PPM1H: variants seen among roughly 807,000 people sequenced by gnomAD.
The protein encoded by PPM1H is protein phosphatase, Mg2+/Mn2+ dependent 1H, also known as protein phosphatase 1H.
A neutral mutation model predicts 54.9 loss-of-function variants in PPM1H; 27 were observed. That is an observed-to-expected ratio of 0.49 (90% CI 0.36 to 0.68). The LOEUF is 0.68. Ranked by LOEUF, PPM1H falls within the 30% of genes least tolerant of loss-of-function variation. The pLI, the probability that PPM1H is intolerant of heterozygous loss-of-function variation, is 0.00. For synonymous variants in PPM1H, 305 were observed against 270.8 expected, an observed-to-expected ratio of 1.13 and a Z score of -1.24; for missense variants, 596 against 667.8, an observed-to-expected ratio of 0.89 and a Z score of 1.19.
chr12:62,779,689 G>A (rs1281365463), intron 4 of PPM1H, among the ~76,000 whole-genome samples: 2 of 152,198 alleles, frequency 1.3e-5, no homozygotes, highest in African/African-American at 2.4e-5. Context: ...AATAGTGGCA[G>A]AGCCAGGATT....
intron 4 of PPM1H, among the ~76,000 whole-genome samples, chr12:62,775,851 A>G (rs753187460): frequency 6.6e-6 from 1 of 152,236 alleles, no homozygotes; most frequent in Non-Finnish European, 1.5e-5. Flanking sequence ...TCAAGGCTGT[A>G]TTAGTCTGTT....
intron 1 of PPM1H, among the ~76,000 whole-genome samples, chr12:62,838,464 G>C (rs1868583003): frequency 6.6e-6 from 1 of 152,126 alleles, no homozygotes; most frequent in Admixed American, 6.6e-5. Context: ...TGGCCACACA[G>C]ATGGGCTGGA....
At chr12:62,828,381 G>C (rs971898314) in intron 2 of PPM1H, among the ~76,000 whole-genome samples, 11 of 152,152 alleles carry the variant, frequency 7.2e-5, no homozygotes, top group African/African-American at 2.7e-4. Flanking sequence ...TGAGAACATA[G>C]GGCCGGCTCC....
intron 8 of PPM1H, among the ~76,000 whole-genome samples, 185 bp from the exon 9 acceptor site, chr12:62,667,514 T>C (rs2075926664): frequency 6.6e-6 from 1 of 152,220 alleles, no homozygotes; most frequent in Non-Finnish European, 1.5e-5. Flanking sequence ...AGACTTGCTA[T>C]ATAGACACAT....
chr12:62,910,503 G>A (rs772555), intron 1 of PPM1H, among the ~76,000 whole-genome samples: 49,602 of 151,864 alleles, frequency 0.33, 9,679 homozygotes, highest in Non-Finnish European at 0.45. Flanking sequence ...TTTTAATGAA[G>A]CAATATATTT....
At chr12:62,869,742 C>A (rs946677613) in intron 1 of PPM1H, among the ~76,000 whole-genome samples, 2 of 152,174 alleles carry the variant, frequency 1.3e-5, no homozygotes, top group Admixed American at 6.5e-5. Context: ...TATGAGCTAA[C>A]CCCTGCCTCC....
intron 1 of PPM1H, among the ~76,000 whole-genome samples, chr12:62,839,750 G>T (rs1868655050): frequency 6.6e-6 from 1 of 151,744 alleles, no homozygotes; most frequent in South Asian, 2.1e-4. Context: ...AGTCCTTCTG[G>T]GTTTCTGACA....
chr12:62,728,978 C>T (rs530898104), intron 5 of PPM1H, among the ~76,000 whole-genome samples: 1 of 152,190 alleles, frequency 6.6e-6, no homozygotes, highest in African/African-American at 2.4e-5. Context: ...GTCAGCTGGC[C>T]AGTGAGTAGT....
intron 1 of PPM1H, among the ~76,000 whole-genome samples, chr12:62,908,871 A>T (rs540531983): frequency 2.0e-5 from 3 of 152,328 alleles, no homozygotes; most frequent in African/African-American, 7.2e-5. Flanking sequence ...CTTATCAGTT[A>T]TGACTAATCC....
At chr12:62,750,302 T>C (rs544931521) in intron 4 of PPM1H, among the ~76,000 whole-genome samples, 141 of 152,352 alleles carry the variant, frequency 9.3e-4, no homozygotes, top group Non-Finnish European at 1.6e-3. Flanking sequence ...TTCTAAGCCC[T>C]TGCAAATACT....
At chr12:62,889,994 C>A (rs1252161629) in intron 1 of PPM1H, among the ~76,000 whole-genome samples, 4 of 152,138 alleles carry the variant, frequency 2.6e-5, no homozygotes, top group Non-Finnish European at 5.9e-5. Flanking sequence ...AGACAAACCA[C>A]AGACTGGCAG....
intron 4 of PPM1H, among the ~76,000 whole-genome samples, chr12:62,754,739 C>G (rs891939757): frequency 6.6e-6 from 1 of 152,188 alleles, no homozygotes; most frequent in African/African-American, 2.4e-5. Flanking sequence ...AAGCCATAGT[C>G]TTTACTTGGA....
rs967827958 is a variant in PPM1H at position 62,720,119 on chromosome 12, C to T, written c.1073+52G>A. The stretch of plus-strand genomic sequence containing the variant: ...TAACTGGCTGTTTATGGTGGTGATG[C>T]TTCCTTCACACACACTGTGTGGTTC... On this transcript the variant is annotated intron_variant, in intron 6 of 9. Transcript: ENST00000228705. 8.4e-6 allele frequency: 12 copies of T among 1,436,738 alleles called. No homozygotes were observed. The East Asian group carries it at 2.3e-4, about 27-fold the overall frequency. The allele number at this position is 1,436,738 out of a possible 1,614,324, so 89.0% of individuals were successfully genotyped here.
chr12:62,822,206 C>T (rs948848160), intron 2 of PPM1H, among the ~76,000 whole-genome samples: 1 of 152,208 alleles, frequency 6.6e-6, no homozygotes, highest in African/African-American at 2.4e-5. Flanking sequence ...GAAGAGCTAA[C>T]TGTCCTAAAT....
At chr12:62,846,085 G>T (rs922934386) in intron 1 of PPM1H, among the ~76,000 whole-genome samples, 1 of 152,062 alleles carries the variant, frequency 6.6e-6, no homozygotes, top group African/African-American at 2.4e-5. Flanking sequence ...CTAACCTGTC[G>T]TCTCTTCTTA....
chr12:62,655,362 G>GAACA (rs1303318139), intron 9 of PPM1H, among the ~76,000 whole-genome samples: 1 of 152,194 alleles, frequency 6.6e-6, no homozygotes. Flanking sequence ...ACTGGGGCAA[G>GAACA]AACAAACAAA....
intron 6 of PPM1H, among the ~76,000 whole-genome samples, chr12:62,698,100 T>TA (rs35267464): frequency 0.045 from 6,607 of 148,362 alleles, 187 homozygotes; most frequent in Non-Finnish European, 0.054. Flanking sequence ...TGCAAAGCTG[T>TA]AAAAAAAAAA....
intron 1 of PPM1H, among the ~76,000 whole-genome samples, chr12:62,889,872 A>G (rs1870722635): frequency 6.6e-6 from 1 of 152,216 alleles, no homozygotes; most frequent in Non-Finnish European, 1.5e-5. Context: ...TTTGGCAATG[A>G]GTTTTAAAAT....
intron 2 of PPM1H, among the ~76,000 whole-genome samples, chr12:62,819,173 A>G (rs575010494): frequency 7.8e-6 from 1 of 127,802 alleles, no homozygotes; most frequent in South Asian, 2.4e-4. Context: ...CTCTGTCGCC[A>G]GGCTGGAGTG....
Sources: allele counts gnomAD v4.1 joint callset (sites outside exome capture counted in the v4.1 genomes callset), GRCh38; gene constraint gnomAD v4.1.1; transcripts MANE v1.5; gene names NCBI Gene and HGNC (gene_info 2026-07-23, HGNC 2026-07-21).